CSMD1: variants seen among roughly 807,000 people sequenced by gnomAD.
CSMD1 encodes CUB and sushi domain-containing protein 1.
Under a neutral mutation model 417.5 loss-of-function variants are expected in CSMD1, and 213 were observed. The observed-to-expected ratio is 0.51, with a 90% CI of 0.46 to 0.57. CSMD1 has a LOEUF of 0.57. Among genes scored for constraint, CSMD1 ranks in the 20% least tolerant of loss-of-function variants. The pLI, the probability that CSMD1 is intolerant of heterozygous loss-of-function variation, is 0.00. For synonymous variants in CSMD1, 2,862 were observed against 1,736.8 expected (o/e 1.65, Z -16.11); for missense variants, 6,923 against 4,529.7 (o/e 1.53, Z -15.17).
At chr8:4,837,641 G>T (rs972907002) in intron 1 of CSMD1, among the ~76,000 whole-genome samples, 7 of 152,078 alleles carry the variant, frequency 4.6e-5, no homozygotes, top group African/African-American at 1.7e-4. Context: ...TGGGGAGGTA[G>T]GGATAGTTAA....
chr8:4,841,918 A>AC (rs1563561029), intron 1 of CSMD1, among the ~76,000 whole-genome samples: 36 of 137,938 alleles, frequency 2.6e-4, no homozygotes, highest in Non-Finnish European at 3.3e-4. Flanking sequence ...TCTCAAAAAA[A>AC]AAAAAAAAAA....
chr8:3,035,666 T>A (rs1461899875), intron 50 of CSMD1, among the ~76,000 whole-genome samples: 1 of 152,232 alleles, frequency 6.6e-6, no homozygotes, highest in African/African-American at 2.4e-5. Flanking sequence ...TGGGAAAATG[T>A]AGCAAAAGAA....
chr8:4,891,400 G>A (rs1243704866), intron 1 of CSMD1, among the ~76,000 whole-genome samples: 2 of 152,116 alleles, frequency 1.3e-5, no homozygotes, highest in Non-Finnish European at 2.9e-5. Context: ...GATCAGGTTG[G>A]TACATTGAGC....
chr8:4,063,616 C>T (rs953460717), intron 3 of CSMD1, among the ~76,000 whole-genome samples: 1 of 152,160 alleles, frequency 6.6e-6, no homozygotes, highest in African/African-American at 2.4e-5. Context: ...GTTTCCAGTT[C>T]AGCGGCTTCC....
intron 12 of CSMD1, among the ~76,000 whole-genome samples, chr8:3,443,801 T>A (rs571023860): frequency 6.6e-6 from 1 of 152,210 alleles, no homozygotes; most frequent in Admixed American, 6.5e-5. Context: ...AGTGTAAACA[T>A]GAATGCAAAA....
At chr8:3,193,696 C>A (rs909177033) in intron 33 of CSMD1, among the ~76,000 whole-genome samples, 2 of 152,116 alleles carry the variant, frequency 1.3e-5, no homozygotes, top group African/African-American at 4.8e-5. Context: ...AGAGGGTGAT[C>A]AACAAAATGA....
intron 3 of CSMD1, among the ~76,000 whole-genome samples, chr8:4,236,035 G>GTT (rs869046913): frequency 3.6e-4 from 40 of 112,616 alleles, no homozygotes; most frequent in African/African-American, 7.4e-4. Flanking sequence ...TGTTTTTTTT[G>GTT]TTTGTTTTTT....
chr8:2,959,605 T>C (rs533645304), intron 62 of CSMD1, among the ~76,000 whole-genome samples: 94 of 152,266 alleles, frequency 6.2e-4, no homozygotes, highest in Non-Finnish European at 1.1e-3. Context: ...CTGATTATCA[T>C]ACACTAACCC....
intron 18 of CSMD1, among the ~76,000 whole-genome samples, chr8:3,370,587 G>C (rs1406598188): frequency 3.9e-5 from 6 of 152,226 alleles, no homozygotes; most frequent in Admixed American, 3.9e-4. Flanking sequence ...TGCTAGGACA[G>C]ATTAGAATTT....
intron 1 of CSMD1, among the ~76,000 whole-genome samples, chr8:4,889,386 C>T (rs1803958604): frequency 6.6e-6 from 1 of 152,062 alleles, no homozygotes; most frequent in South Asian, 2.1e-4. Flanking sequence ...GACTGAGAAA[C>T]CACCAAATGC....
intron 5 of CSMD1, among the ~76,000 whole-genome samples, chr8:3,850,476 C>T: frequency 6.6e-6 from 1 of 152,164 alleles, no homozygotes. Context: ...AGGCAGATAA[C>T]TTGAGGTCAA....
chr8:4,673,862 G>C (rs1049034039), intron 1 of CSMD1, among the ~76,000 whole-genome samples: 1 of 152,132 alleles, frequency 6.6e-6, no homozygotes, highest in African/African-American at 2.4e-5. Context: ...GCCCGTGATG[G>C]AAGTGAGGGG....
At chr8:4,175,687 T>C (rs894894594) in intron 3 of CSMD1, among the ~76,000 whole-genome samples, 5 of 152,152 alleles carry the variant, frequency 3.3e-5, no homozygotes, top group Non-Finnish European at 7.3e-5. Flanking sequence ...ATATACATAA[T>C]GTCCTCACAG....
At chr8:3,841,428 C>G (rs1803125440) in intron 5 of CSMD1, among the ~76,000 whole-genome samples, 1 of 152,082 alleles carries the variant, frequency 6.6e-6, no homozygotes, top group African/African-American at 2.4e-5. Context: ...AAGAAAACAA[C>G]AAAACAATCT....
At chr8:4,566,631 T>A (rs199628791) in intron 2 of CSMD1, among the ~76,000 whole-genome samples, 1 of 113,220 alleles carries the variant, frequency 8.8e-6, no homozygotes, top group Non-Finnish European at 1.6e-5. Flanking sequence ...CCAGCCTGGG[T>A]GACAGAGGGA....
chr8:4,734,227 T>G (rs1810081132), intron 1 of CSMD1, among the ~76,000 whole-genome samples: 1 of 152,190 alleles, frequency 6.6e-6, no homozygotes, highest in Non-Finnish European at 1.5e-5. Context: ...TAAGGATGTG[T>G]TTTGATTTTC....
chr8:3,845,413 G>A (rs1215614783), intron 5 of CSMD1, among the ~76,000 whole-genome samples: 1 of 152,120 alleles, frequency 6.6e-6, no homozygotes, highest in African/African-American at 2.4e-5. Context: ...GTTACACAGT[G>A]ATAGATATCT....
intron 5 of CSMD1, among the ~76,000 whole-genome samples, chr8:3,916,163 T>C (rs1584958665): frequency 6.6e-6 from 1 of 152,216 alleles, no homozygotes; most frequent in South Asian, 2.1e-4. Context: ...GCTCTATTAC[T>C]TCAAGAAATT....
At chr8:4,937,809 T>C (rs143979579) in intron 1 of CSMD1, among the ~76,000 whole-genome samples, 2 of 150,514 alleles carry the variant, frequency 1.3e-5, no homozygotes, top group East Asian at 2.0e-4. Flanking sequence ...CACACACAAC[T>C]ACAAAGTGTC....
Sources: allele counts gnomAD v4.1 joint callset (sites outside exome capture counted in the v4.1 genomes callset), GRCh38; gene constraint gnomAD v4.1.1; transcripts MANE v1.5; gene names NCBI Gene and HGNC (gene_info 2026-07-23, HGNC 2026-07-21).